The following NFE2L3 variants were observed in gnomAD, a reference collection of about 807,000 sequenced individuals.
NFE2L3 encodes NFE2 like bZIP transcription factor 3.
In NFE2L3, 18 loss-of-function variants were observed where a neutral mutation model predicts 23.5. The observed-to-expected ratio is 0.77, with a 90% CI of 0.53 to 1.13. The LOEUF (loss-of-function observed/expected upper bound fraction) is 1.13, where lower values mean the gene tolerates loss of function less well. Ranked by LOEUF, NFE2L3 falls within the 50% of genes most tolerant of loss-of-function variation. The probability of loss-of-function intolerance (pLI) is 0.00; values close to 1 mark genes in which losing one functional copy is unlikely to be tolerated. For synonymous variants in NFE2L3, 424 were observed against 354.5 expected (o/e 1.20, Z -2.20); for missense variants, 1,152 against 877.2 (o/e 1.31, Z -3.96).
Position 26,154,687 on chromosome 7 carries a change from A to G in NFE2L3, c.570+1619A>G, listed in dbSNP as rs144243202. Among the ~76,000 whole-genome samples, 14 of 152,262 alleles carry G rather than the reference A, an allele frequency of 9.2e-5. No homozygotes were observed. The East Asian group carries it at 1.9e-3, about 21-fold the overall frequency. Reference sequence around the variant, plus strand: ...CACTTCAGTCTCCCAGGTAGCTAGGAGAACTGGCGTGCACCACCATACTGG... The same window carrying G: ...CACTTCAGTCTCCCAGGTAGCTAGGGGAACTGGCGTGCACCACCATACTGG... On this transcript the variant is annotated intron_variant, in intron 1 of 3. Transcript: ENST00000056233.
chr7:26,183,095 A>G (rs764595435), intron 2 of NFE2L3, among the ~76,000 whole-genome samples: 68 of 152,288 alleles, frequency 4.5e-4, no homozygotes, highest in Non-Finnish European at 8.4e-4. Context: ...CCAAAATTAT[A>G]TAATTGTGTA....
chr7:26,178,187 A>T, intron 2 of NFE2L3, 65 bp downstream of exon 2: 2 of 1,427,692 alleles, frequency 1.4e-6, no homozygotes, highest in Non-Finnish European at 9.6e-7. Context: ...TGGCATTGAC[A>T]GTTTGTGTCA....
chr7:26,173,111 C>T (rs1238018289), intron 1 of NFE2L3, among the ~76,000 whole-genome samples: 1 of 151,754 alleles, frequency 6.6e-6, no homozygotes, highest in Non-Finnish European at 1.5e-5. Flanking sequence ...AGTTATGATC[C>T]ATTATTATAT....
chr7:26,180,885 C>A (rs1784494379), intron 2 of NFE2L3, among the ~76,000 whole-genome samples: 1 of 152,134 alleles, frequency 6.6e-6, no homozygotes, highest in African/African-American at 2.4e-5. Context: ...GTGCCTAATT[C>A]TTATCAGGCT....
rs1782494065 is a variant in NFE2L3, at chr7:26,186,604, C to T, written c.*821C>T. On this transcript the variant is annotated 3_prime_UTR_variant, in exon 4 of 4. Coordinates refer to ENST00000056233, the MANE Select transcript of NFE2L3 (RefSeq NM_004289.7). ...ATGGGCTACTTGCAAAAACGTAACTCCTTGTGTGTATATTAAATCCATAAA... is the reference window on the plus strand; with the variant it reads ...ATGGGCTACTTGCAAAAACGTAACTTCTTGTGTGTATATTAAATCCATAAA... 21 of 152,192 alleles carry T rather than the reference C, an allele frequency of 1.4e-4. No individual in the cohort carries two copies. Among genetic ancestry groups the T allele is most frequent in the Admixed American group, 1.4e-3 (21 of 15,274 alleles). The allele number at this position is 152,192 out of a possible 1,614,324, so 9.4% of individuals were successfully genotyped here. A position where few individuals can be genotyped will look rare whatever the true frequency, so the allele number is the denominator to read the frequency against.
chr7:26,157,937 C>T (rs1175608361), intron 1 of NFE2L3, among the ~76,000 whole-genome samples: 1 of 152,210 alleles, frequency 6.6e-6, no homozygotes, highest in Non-Finnish European at 1.5e-5. Context: ...TTTGGCATTC[C>T]TTGGTTTCTT....
Position 26,185,176 on chromosome 7 carries a change from A to C in NFE2L3, c.1478A>C (p.His493Pro), listed in dbSNP as rs1369236176. 2.5e-6 allele frequency: 4 copies of C among 1,613,696 alleles called. No individual in the cohort carries two copies. The highest frequency in any genetic ancestry group is 2.5e-6 in the Non-Finnish European group (3 of 1,179,846). ...TTCCATGGAGATCTTACATTTCAAC[A>C]CGTATTTCATAACCACACTTACCAC... ...SDFHGDLTFQ[H>P]VFHNHTYHLQ... Residue 493 changes from histidine to proline, a missense_variant, in exon 4 of 4, where the codon CAC (histidine) becomes CCC (proline). Physicochemically the swap from His to Pro is moderately conservative, Grantham distance 77. Transcript: ENST00000056233.
chr7:26,185,515 T>G lies in NFE2L3; in HGVS notation c.1817T>G (p.Leu606Ter). 1 of 1,613,964 alleles carries G rather than the reference T, an allele frequency of 6.2e-7. No homozygotes were observed. Among genetic ancestry groups the G allele is most frequent in the Non-Finnish European group, 8.5e-7 (1 of 1,179,850 alleles). The change falls in exon 4 of 4, where the codon TTA becomes TGA. Residue 606 changes from leucine (L) to a stop codon, truncating the protein, a stop_gained. Coordinates refer to ENST00000056233, the MANE Select transcript of NFE2L3 (RefSeq NM_004289.7). LOFTEE classifies it low-confidence loss of function (END_TRUNC). The stretch of plus-strand genomic sequence containing the variant: ...CGCAAATTGGACATAATTTTGAATT[T>G]AGAAGATGATGTATGTAACTTGCAA... Reference protein sequence around the residue: ...RKRKLDIILNLEDDVCNLQAK... With the variant: ...RKRKLDIILN
Position 26,156,983 on chromosome 7 carries a change from G to A in NFE2L3, c.570+3915G>A, listed in dbSNP as rs566520478. Among the ~76,000 whole-genome samples, 38 of 152,210 alleles carry A rather than the reference G, an allele frequency of 2.5e-4. 1 individual carries two copies. The South Asian group carries it at 5.0e-3, about 20-fold the overall frequency. Reference sequence around the variant, plus strand: ...AAAAATTAGCCGGGCACGGTGGCACGTGCCTGTAGTCCCAGCTACTCGGGA... The same window carrying A: ...AAAAATTAGCCGGGCACGGTGGCACATGCCTGTAGTCCCAGCTACTCGGGA... On this transcript the variant is annotated intron_variant, in intron 1 of 3. Coordinates refer to ENST00000056233, the MANE Select transcript of NFE2L3 (RefSeq NM_004289.7).
At chr7:26,162,786 C>T (rs1784193301) in intron 1 of NFE2L3, among the ~76,000 whole-genome samples, 1 of 151,644 alleles carries the variant, frequency 6.6e-6, no homozygotes, top group Non-Finnish European at 1.5e-5. Context: ...AATCAGGGCT[C>T]ACTGCAGCCT....
Position 26,183,728 on chromosome 7 carries a change from T to C in NFE2L3, c.778T>C (p.Phe260Leu), listed in dbSNP as rs751702041. ...ACATCTGAATGGGACAGATACTTCT[T>C]TCTCTCTGGAAGACTTATTCCAGTT... ...ERHLNGTDTSFSLEDLFQLLS... is the reference protein window; with the variant it reads ...ERHLNGTDTSLSLEDLFQLLS... Residue 260 changes from phenylalanine to leucine, a missense_variant, in exon 3 of 4, where the codon TTC becomes CTC. By Grantham distance (22) the Phe-to-Leu change is conservative. Transcript: ENST00000056233. The C allele has an allele frequency of 1.7e-5, 27 of 1,612,282 alleles. No individual in the cohort carries two copies. The Middle Eastern group carries it at 4.9e-4, about 29-fold the overall frequency.
intron 1 of NFE2L3, chr7:26,174,818 G>C (rs1215317900): frequency 2.6e-5 from 4 of 152,116 alleles, no homozygotes; most frequent in Admixed American, 6.5e-5. Context: ...AGTTTGACAA[G>C]CTTTAATGTT....
chr7:26,162,154 A>G (rs1395657325), intron 1 of NFE2L3, among the ~76,000 whole-genome samples: 1 of 152,002 alleles, frequency 6.6e-6, no homozygotes, highest in Non-Finnish European at 1.5e-5. Context: ...AAAAAAAAAA[A>G]AAAAATTCAT....
chr7:26,181,157 A>G (rs1232509316), intron 2 of NFE2L3, among the ~76,000 whole-genome samples: 1 of 152,016 alleles, frequency 6.6e-6, no homozygotes, highest in African/African-American at 2.4e-5. Context: ...TTGTATTTTC[A>G]GTAGAAGTGG....
chr7:26,164,046 C>T (rs1007677247), intron 1 of NFE2L3, among the ~76,000 whole-genome samples: 42 of 152,170 alleles, frequency 2.8e-4, no homozygotes, highest in Non-Finnish European at 4.3e-4. Flanking sequence ...TTTCTTAATC[C>T]AGTCTATCAT....
rs1301108152 is a variant in NFE2L3 at position 26,152,692 on chromosome 7, C to T, written c.194C>T (p.Ser65Leu). The change falls in exon 1 of 4, where the codon TCG becomes TTG. Residue 65 changes from serine to leucine, a missense_variant. Ser to Leu is a moderately radical substitution (Grantham distance 145). Coordinates refer to ENST00000056233, the MANE Select transcript of NFE2L3 (RefSeq NM_004289.7). This position sits in a 1 kb window ranked among gnomAD's most constrained non-coding sequence, Gnocchi z 4.4. ...SAYALSPFSA[S>L]GGWGRAGHLH... ...TACGCGCTCAGCCCCTTCTCGGCCT[C>T]GGGAGGGTGGGGGCGCGCGGGCCAC... is the stretch of plus-strand genomic sequence containing the variant. 2.0e-6 allele frequency: 3 copies of T among 1,481,898 alleles called. No individual in the cohort carries two copies. Among genetic ancestry groups the T allele is most frequent in the Non-Finnish European group, 2.7e-6 (3 of 1,123,262 alleles). 91.8% of individuals were successfully genotyped at this position (1,481,898 alleles called of 1,614,324 possible). A position where few individuals can be genotyped will look rare whatever the true frequency, so the allele number is the denominator to read the frequency against.
chr7:26,184,898 A>C lies in NFE2L3; in HGVS notation c.1200A>C (p.Glu400Asp). Residue 400 changes from glutamate to aspartate, a missense_variant, in exon 4 of 4, where the codon GAA (glutamate) becomes GAC (aspartate). Glu to Asp is a conservative substitution (Grantham distance 45). Transcript: ENST00000056233. ...TAAACTTAATGTCATTGGCCACAGA[A>C]GACAACTTTGATCCAATCGATGTTT... ...DEINLMSLAT[E>D]DNFDPIDVSQ... is the part of the protein sequence containing the mutation. 6.2e-7 allele frequency: 1 copy of C among 1,613,986 alleles called. No individual in the cohort carries two copies. Among genetic ancestry groups the C allele is most frequent in the East Asian group, 2.2e-5 (1 of 44,876 alleles).
chr7:26,152,950 A>AG lies in NFE2L3; in HGVS notation c.458dup (p.Gly154ArgfsTer52), dbSNP rs778714593. ...GTGGACGGCGGCAGCCAGGCTGTGC[A>AG]GGGGGGCGGCGGGGACCCCCGAGCG... On this transcript the variant is annotated frameshift_variant, in exon 1 of 4. Transcript: ENST00000056233. LOFTEE classifies it high-confidence loss of function. This position sits in a 1 kb window ranked among gnomAD's most constrained non-coding sequence, Gnocchi z 4.4. 6.8e-7 allele frequency: 1 copy of AG among 1,479,316 alleles called. No homozygotes were observed. Among genetic ancestry groups the AG allele is most frequent in the South Asian group, 1.3e-5 (1 of 77,968 alleles). The allele number at this position is 1,479,316 out of a possible 1,614,324, so 91.6% of individuals were successfully genotyped here.
intron 1 of NFE2L3, 34 bp downstream of exon 1, chr7:26,153,102 C>A: frequency 1.3e-6 from 2 of 1,495,440 alleles, no homozygotes; most frequent in Non-Finnish European, 1.8e-6. Context: ...CGAAGTGCGG[C>A]GTCTACGCCG....
Sources: gnomAD v4.1 joint callset for allele counts (sites outside exome capture counted in the v4.1 genomes callset) on GRCh38, gnomAD v4.1.1 for gene constraint, Gnocchi (gnomAD v3.1) non-coding constraint, MANE v1.5 for transcripts, NCBI Gene and HGNC (gene_info 2026-07-23, HGNC 2026-07-21) for gene names.